NTRK2: variants seen among roughly 807,000 people sequenced by gnomAD.
The protein encoded by NTRK2 is neurotrophic receptor tyrosine kinase 2.
Under a neutral mutation model 94.5 loss-of-function variants are expected in NTRK2, and 13 were observed. The ratio of observed to expected loss-of-function variants is 0.14; its 90% CI spans 0.09 to 0.22. The LOEUF (loss-of-function observed/expected upper bound fraction) is 0.22. Among genes scored for constraint, NTRK2 ranks in the 10% least tolerant of loss-of-function variants. NTRK2 has a pLI of 1.00. For missense variants in NTRK2, 639 were observed against 1,071.2 expected (o/e 0.60, Z 5.63); for synonymous variants, 372 against 407.4 (o/e 0.91, Z 1.05).
At chr9:84,974,423 G>A (rs1481070333) in intron 17 of NTRK2, among the ~76,000 whole-genome samples, 1 of 152,166 alleles carries the variant, frequency 6.6e-6, no homozygotes, top group Non-Finnish European at 1.5e-5. Flanking sequence ...GTCAACCATT[G>A]TCAATGTAAT....
At chr9:84,919,634 G>C (rs2077500418) in intron 14 of NTRK2, among the ~76,000 whole-genome samples, 1 of 152,154 alleles carries the variant, frequency 6.6e-6, no homozygotes, top group Non-Finnish European at 1.5e-5. Flanking sequence ...TACTTTATGA[G>C]CCTTCAAGTG....
At chr9:84,677,210 G>A (rs757962512) in intron 2 of NTRK2, among the ~76,000 whole-genome samples, 1 of 152,106 alleles carries the variant, frequency 6.6e-6, no homozygotes, top group South Asian at 2.1e-4. Context: ...GGAGAAACCC[G>A]CAGCCCTTTC....
intron 12 of NTRK2, among the ~76,000 whole-genome samples, chr9:84,757,493 T>C (rs894120355): frequency 5.3e-5 from 8 of 152,242 alleles, no homozygotes; most frequent in African/African-American, 1.9e-4. Context: ...TTTAATAGTA[T>C]TTCCCAGTTG....
intron 12 of NTRK2, among the ~76,000 whole-genome samples, chr9:84,761,653 A>G (rs1021102270): frequency 1.5e-4 from 23 of 152,150 alleles, no homozygotes; most frequent in Non-Finnish European, 2.6e-4. Flanking sequence ...CTTTTTCTCT[A>G]TTGTGTAGCC....
At chr9:84,740,590 G>A (rs1331923372) in intron 9 of NTRK2, among the ~76,000 whole-genome samples, 1 of 152,220 alleles carries the variant, frequency 6.6e-6, no homozygotes, top group East Asian at 1.9e-4. Flanking sequence ...GAGGTGCGCA[G>A]GGTGTTCATG....
intron 17 of NTRK2, among the ~76,000 whole-genome samples, chr9:84,982,967 C>A (rs1289930801): frequency 2.6e-5 from 4 of 151,420 alleles, no homozygotes; most frequent in Admixed American, 6.6e-5. Context: ...TTTTCTCCTG[C>A]CTAATTTATA....
chr9:84,797,816 A>G (rs1250025829), intron 12 of NTRK2, among the ~76,000 whole-genome samples: 2 of 86,304 alleles, frequency 2.3e-5, no homozygotes, highest in African/African-American at 4.5e-5. Flanking sequence ...TATATTATAT[A>G]TTATATATAC....
At chr9:84,767,915 G>A (rs954885887) in intron 12 of NTRK2, among the ~76,000 whole-genome samples, 2 of 151,986 alleles carry the variant, frequency 1.3e-5, no homozygotes, top group African/African-American at 2.4e-5. Flanking sequence ...AATGCTTATG[G>A]GTTAGCAAAC....
At chr9:84,746,514 C>A (rs2064088892) in intron 11 of NTRK2, among the ~76,000 whole-genome samples, 1 of 152,002 alleles carries the variant, frequency 6.6e-6, no homozygotes, top group African/African-American at 2.4e-5. Flanking sequence ...TTGTAAAGTG[C>A]AGATCAGATC....
intron 14 of NTRK2, among the ~76,000 whole-genome samples, chr9:84,870,675 C>G (rs906085436): frequency 1.3e-5 from 2 of 151,844 alleles, no homozygotes; most frequent in Admixed American, 6.6e-5. Context: ...TTTTAAAGAA[C>G]CTCCAAAGAA....
intron 9 of NTRK2, among the ~76,000 whole-genome samples, chr9:84,734,587 G>A (rs1389253630): frequency 2.6e-5 from 4 of 152,158 alleles, no homozygotes; most frequent in Admixed American, 2.6e-4. Context: ...CCTAATGGGA[G>A]GTAATTGAAT....
At chr9:84,717,706 G>A (rs1338701819) in intron 6 of NTRK2, among the ~76,000 whole-genome samples, 1 of 152,178 alleles carries the variant, frequency 6.6e-6, no homozygotes, top group Non-Finnish European at 1.5e-5. Context: ...CACATACTAA[G>A]TACCCAATAA....
chr9:84,741,871 T>G, intron 9 of NTRK2, 21 bp from the exon 10 acceptor site: 1 of 1,609,406 alleles, frequency 6.2e-7, no homozygotes. Flanking sequence ...TTACAAATCT[T>G]TGCTCTGTTT....
chr9:84,832,929 G>A (rs2073650397), intron 12 of NTRK2, among the ~76,000 whole-genome samples: 1 of 152,146 alleles, frequency 6.6e-6, no homozygotes, highest in African/African-American at 2.4e-5. Context: ...CACCTGGATA[G>A]ATTGGATGCG....
chr9:84,866,737 C>T (rs966856255), intron 13 of NTRK2, among the ~76,000 whole-genome samples: 6 of 152,114 alleles, frequency 3.9e-5, no homozygotes, highest in African/African-American at 1.2e-4. Flanking sequence ...AATTAAAACA[C>T]GTGTCCACAT....
chr9:84,873,100 C>T (rs1454838621), intron 14 of NTRK2: 3 of 1,064,132 alleles, frequency 2.8e-6, no homozygotes, highest in Admixed American at 5.4e-5. Context: ...AGATTATCTG[C>T]AGACTTCAGT....
chr9:84,856,486 AT>A, intron 12 of NTRK2, among the ~76,000 whole-genome samples: 1 of 152,120 alleles, frequency 6.6e-6, no homozygotes, highest in East Asian at 1.9e-4. Flanking sequence ...TTTTGCATTC[AT>A]TTTTTCTCAC....
intron 14 of NTRK2, among the ~76,000 whole-genome samples, chr9:84,912,834 T>A (rs1306762627): frequency 6.6e-6 from 1 of 151,984 alleles, no homozygotes; most frequent in Non-Finnish European, 1.5e-5. Context: ...GCCAGGATGG[T>A]CTCGATCTCC....
intron 10 of NTRK2, among the ~76,000 whole-genome samples, chr9:84,743,556 G>T (rs1216997134): frequency 2.0e-5 from 3 of 152,140 alleles, no homozygotes; most frequent in Admixed American, 2.0e-4. Context: ...TCTTGATATG[G>T]TTTAAAGGAA....
Sources: gnomAD v4.1 joint callset for allele counts (sites outside exome capture counted in the v4.1 genomes callset) on GRCh38, gnomAD v4.1.1 for gene constraint, MANE v1.5 for transcripts, NCBI Gene and HGNC (gene_info 2026-07-23, HGNC 2026-07-21) for gene names.